Variants in UGGT1 observed in about 807,000 individuals in gnomAD.
UGGT1 encodes the protein UDP-glucose glycoprotein glucosyltransferase 1.
Under a neutral mutation model 203.9 loss-of-function variants are expected in UGGT1, and 107 were observed. The observed-to-expected ratio is 0.52, with a 90% CI of 0.45 to 0.62. The LOEUF is 0.62. UGGT1 is among the 20% of genes least tolerant of loss of function. UGGT1 has a pLI of 0.00. For synonymous variants in UGGT1, 628 were observed against 653.5 expected (o/e 0.96, Z 0.59); for missense variants, 1,673 against 1,867.2 (o/e 0.90, Z 1.92).
At chr2:128,112,896 A>G (rs1162316179) in intron 5 of UGGT1, among the ~76,000 whole-genome samples, 188 bp from the exon 6 acceptor site, 1 of 152,154 alleles carries the variant, frequency 6.6e-6, no homozygotes, top group African/African-American at 2.4e-5. Context: ...ATTTTTAATC[A>G]TGAATAAATA....
At chr2:128,175,044 A>T in intron 31 of UGGT1, among the ~76,000 whole-genome samples, 186 bp downstream of exon 31, 1 of 152,260 alleles carries the variant, frequency 6.6e-6, no homozygotes, top group East Asian at 1.9e-4. Context: ...AGATAATAAG[A>T]GGTATAGATG....
At chr2:128,132,628 A>T (rs1688937075) in intron 13 of UGGT1, among the ~76,000 whole-genome samples, 1 of 152,158 alleles carries the variant, frequency 6.6e-6, no homozygotes. Flanking sequence ...CTAGTCCTTT[A>T]TTGGGTTTGT....
Position 128,161,570 on chromosome 2 carries a change from A to C in UGGT1, c.2825+302A>C, listed in dbSNP as rs139441345. ...AGAGGCTAGTTTATTTATTACCTGGAATACTTATGTAAAGTGATACTTTTC... is the reference window on the plus strand; with the variant it reads ...AGAGGCTAGTTTATTTATTACCTGGCATACTTATGTAAAGTGATACTTTTC... On this transcript the variant is annotated intron_variant, in intron 25 of 40. Coordinates refer to ENST00000259253, the MANE Select transcript of UGGT1 (RefSeq NM_020120.4). 4.4e-3 allele frequency among the ~76,000 whole-genome samples: 671 copies of C among 152,302 alleles called. 2 individuals carry two copies. The highest frequency in any genetic ancestry group is 0.015 in the African/African-American group (637 of 41,558).
At chr2:128,111,583 G>T (rs546095326) in intron 5 of UGGT1, among the ~76,000 whole-genome samples, 1 of 152,052 alleles carries the variant, frequency 6.6e-6, no homozygotes, top group South Asian at 2.1e-4. Flanking sequence ...TTGGCTCACT[G>T]CAAGCTCCGC....
intron 8 of UGGT1, 60 bp from the exon 9 acceptor site, chr2:128,120,296 C>A: frequency 6.6e-7 from 1 of 1,523,918 alleles, no homozygotes. Context: ...TGGTTTACTT[C>A]TTCTTATGCT....
intron 22 of UGGT1, 92 bp downstream of exon 22, chr2:128,157,438 T>C: frequency 1.1e-6 from 1 of 950,222 alleles, no homozygotes; most frequent in Admixed American, 2.2e-5. Flanking sequence ...TCAGTGGGAG[T>C]TGGGAGTCCT....
In UGGT1 at chr2:128,195,054, A is replaced by G. The variant is rs1692452063; in HGVS notation, c.*5312A>G. The G allele has an allele frequency of 6.6e-6, 1 of 152,178 alleles. No individual in the cohort carries two copies. The highest frequency in any genetic ancestry group is 2.1e-4 in the South Asian group (1 of 4,832). 9.4% of individuals were successfully genotyped at this position (152,178 alleles called of 1,614,324 possible). ...CCTAGAAGGAGCCCATGAAGGTTAA[A>G]CTCTGTGGTCGGTATTTGCAAGCGC... On this transcript the variant is annotated 3_prime_UTR_variant, in exon 41 of 41. Transcript: ENST00000259253.
chr2:128,163,898 G>T (rs569573037), intron 25 of UGGT1, among the ~76,000 whole-genome samples: 1 of 152,208 alleles, frequency 6.6e-6, no homozygotes, highest in East Asian at 1.9e-4. Context: ...ATTGAAATAG[G>T]CTGGGCACGG....
chr2:128,114,998 A>T, intron 6 of UGGT1, 126 bp from the exon 7 acceptor site: 1 of 801,496 alleles, frequency 1.2e-6, no homozygotes, highest in Non-Finnish European at 1.9e-6. Flanking sequence ...AAAACAATTT[A>T]AAGATATTTT....
intron 8 of UGGT1, among the ~76,000 whole-genome samples, chr2:128,117,993 T>TGAGA (rs139003872): frequency 2.0e-5 from 2 of 97,612 alleles, no homozygotes; most frequent in South Asian, 3.2e-4. Flanking sequence ...TGTGTGTGTG[T>TGAGA]GAGAGAGAGA....
chr2:128,134,180 T>G (rs538578293), intron 14 of UGGT1, among the ~76,000 whole-genome samples: 1 of 152,122 alleles, frequency 6.6e-6, no homozygotes, highest in Non-Finnish European at 1.5e-5. Context: ...GAATTACAGG[T>G]GCATGCCACC....
At chr2:128,116,817 G>A (rs556098001) in intron 8 of UGGT1, among the ~76,000 whole-genome samples, 10 of 152,142 alleles carry the variant, frequency 6.6e-5, no homozygotes, top group South Asian at 4.2e-4. Flanking sequence ...GAGCCACTGC[G>A]TCCAGCCTGA....
chr2:128,163,020 A>T (rs540546710), intron 25 of UGGT1, among the ~76,000 whole-genome samples: 29 of 152,306 alleles, frequency 1.9e-4, no homozygotes, highest in African/African-American at 7.0e-4. Flanking sequence ...CACAGCTATC[A>T]TTCATGACCC....
intron 22 of UGGT1, among the ~76,000 whole-genome samples, chr2:128,157,567 GA>G (rs946734378): frequency 2.0e-5 from 3 of 152,110 alleles, no homozygotes; most frequent in Non-Finnish European, 2.9e-5. Context: ...TTCTTATAGA[GA>G]AAAAAATAAA....
chr2:128,169,802 A>G (rs1691002532), intron 26 of UGGT1, among the ~76,000 whole-genome samples: 1 of 152,268 alleles, frequency 6.6e-6, no homozygotes, highest in African/African-American at 2.4e-5. Flanking sequence ...TGTATCTACA[A>G]CTAATGTTTA....
chr2:128,094,297 T>C (rs953481922), intron 1 of UGGT1, among the ~76,000 whole-genome samples: 1 of 152,204 alleles, frequency 6.6e-6, no homozygotes, highest in Non-Finnish European at 1.5e-5. Flanking sequence ...GAGAATTTTT[T>C]CTCTCAGCCA....
At chr2:128,131,740 G>C (rs1323853654) in intron 13 of UGGT1, among the ~76,000 whole-genome samples, 1 of 152,090 alleles carries the variant, frequency 6.6e-6, no homozygotes, top group Admixed American at 6.5e-5. Flanking sequence ...CGATTCTCCT[G>C]CCTCAGCCTC....
intron 32 of UGGT1, 95 bp downstream of exon 32, chr2:128,176,993 G>A: frequency 7.9e-7 from 1 of 1,261,832 alleles, no homozygotes; most frequent in Admixed American, 2.0e-5. Flanking sequence ...TTTGGAATTT[G>A]CTATGGCAAT....
chr2:128,147,982 G>A (rs1237540654), intron 18 of UGGT1, among the ~76,000 whole-genome samples: 3 of 152,132 alleles, frequency 2.0e-5, no homozygotes, highest in South Asian at 2.1e-4. Context: ...CTTCTTCACC[G>A]TACCAGGGTT....
Sources: allele counts gnomAD v4.1 joint callset (sites outside exome capture counted in the v4.1 genomes callset), GRCh38; gene constraint gnomAD v4.1.1; transcripts MANE v1.5; gene names NCBI Gene and HGNC (gene_info 2026-07-23, HGNC 2026-07-21).